Variants in IL12RB2 observed in about 807,000 individuals in gnomAD.
The protein encoded by IL12RB2 is interleukin 12 receptor subunit beta 2, also known as interleukin-12 receptor subunit beta-2.
IL12RB2 carries 82 observed loss-of-function variants against 89.4 expected under a neutral mutation model. The observed-to-expected ratio is 0.92, with a 90% CI of 0.77 to 1.10. IL12RB2 has a LOEUF of 1.10. Among genes scored for constraint, IL12RB2 ranks in the 50% least tolerant of loss-of-function variants. IL12RB2 has a pLI of 0.00. For synonymous variants in IL12RB2, 368 were observed against 370.1 expected, an observed-to-expected ratio of 0.99 and a Z score of 0.07; for missense variants, 963 against 1,031.9, an observed-to-expected ratio of 0.93 and a Z score of 0.92.
chr1:67,386,208 C>CAAAA (rs755471388), intron 14 of IL12RB2, among the ~76,000 whole-genome samples: 117 of 52,384 alleles, frequency 2.2e-3, no homozygotes, highest in Admixed American at 2.7e-3. Flanking sequence ...GACTCCATCT[C>CAAAA]AAAAAAAAAA....
intron 14 of IL12RB2, among the ~76,000 whole-genome samples, chr1:67,384,279 G>C (rs1268012748): frequency 6.6e-6 from 1 of 152,202 alleles, no homozygotes; most frequent in Admixed American, 6.5e-5. Flanking sequence ...ACACCCACAG[G>C]CCCAAAACCA....
chr1:67,381,375 AG>A (rs1167921732), intron 14 of IL12RB2, among the ~76,000 whole-genome samples: 1 of 152,174 alleles, frequency 6.6e-6, no homozygotes, highest in African/African-American at 2.4e-5. Context: ...TGAAGCATCA[AG>A]TTGATCATTC....
chr1:67,374,753 GGCGTGA>G (rs1170320332), intron 13 of IL12RB2, among the ~76,000 whole-genome samples: 4 of 143,512 alleles, frequency 2.8e-5, no homozygotes, highest in Non-Finnish European at 4.5e-5. Flanking sequence ...TGAGATTACA[GGCGTGA>G]GCCACCCAGC....
chr1:67,321,568 A>G, intron 3 of IL12RB2, 34 bp from the exon 4 acceptor site: 1 of 1,442,352 alleles, frequency 6.9e-7, no homozygotes, highest in Non-Finnish European at 9.8e-7. Context: ...GTTTATTATC[A>G]CCAACTAAAT....
intron 1 of IL12RB2, among the ~76,000 whole-genome samples, chr1:67,313,129 A>G (rs910992696): frequency 2.6e-5 from 4 of 152,256 alleles, no homozygotes; most frequent in Non-Finnish European, 5.9e-5. Context: ...TTTCATGACC[A>G]TAACTCAGGA....
At chr1:67,339,455 C>T (rs946195108) in intron 9 of IL12RB2, among the ~76,000 whole-genome samples, 1 of 145,730 alleles carries the variant, frequency 6.9e-6, no homozygotes, top group Non-Finnish European at 1.5e-5. Context: ...CCACTGCACT[C>T]GAGCTTGGGT....
intron 4 of IL12RB2, among the ~76,000 whole-genome samples, chr1:67,325,615 T>C (rs1395587469): frequency 6.6e-6 from 1 of 152,226 alleles, no homozygotes; most frequent in Non-Finnish European, 1.5e-5. Context: ...CTATATGAGC[T>C]AGATATCATT....
At chr1:67,311,643 TG>T (rs2100507833) in intron 1 of IL12RB2, among the ~76,000 whole-genome samples, 1 of 152,338 alleles carries the variant, frequency 6.6e-6, no homozygotes, top group African/African-American at 2.4e-5. Context: ...TGCAATGATA[TG>T]CAGGAAAAGC....
Position 67,316,906 on chromosome 1 carries a change from G to GT in IL12RB2, c.-37+2912dup, listed in dbSNP as rs1569711493. The stretch of plus-strand genomic sequence containing the variant: ...TCACCAGTTTGTTGCTTATATTTTT[G>GT]TTTTTTGCCTGTCTACTCCAGGATG... On this transcript the variant is annotated intron_variant, in intron 2 of 16. Coordinates refer to ENST00000674203, the MANE Select transcript of IL12RB2 (RefSeq NM_001374259.2). Among the ~76,000 whole-genome samples, 11 of 152,138 alleles carry GT rather than the reference G, an allele frequency of 7.2e-5. No individual in the cohort carries two copies. In the South Asian group the frequency reaches 2.1e-3, roughly 29 times the overall value.
In IL12RB2 at chr1:67,395,991, G is replaced by A; in HGVS notation, c.2491G>A (p.Val831Ile). The change falls in exon 17 of 17, where the codon GTT becomes ATT. Residue 831 changes from valine to isoleucine, a missense_variant. Val to Ile is a conservative substitution (Grantham distance 29). Transcript: ENST00000674203. ...GGAGCCTCAGCACATCTCCCTTTCT[G>A]TTTTCCCCTCAAGTTCTCTTCACCC... is the stretch of plus-strand genomic sequence containing the variant. ...ELEPQHISLS[V>I]FPSSSLHPLT... 6.2e-7 allele frequency: 1 copy of A among 1,605,650 alleles called. No individual in the cohort carries two copies. Among genetic ancestry groups the A allele is most frequent in the Non-Finnish European group, 8.5e-7 (1 of 1,172,266 alleles).
chr1:67,354,391 G>T (rs899427869), intron 10 of IL12RB2, among the ~76,000 whole-genome samples: 1 of 152,196 alleles, frequency 6.6e-6, no homozygotes, highest in Non-Finnish European at 1.5e-5. Context: ...AGTCCCTGGG[G>T]AGATGGGAGA....
chr1:67,312,540 C>T (rs892896424), intron 1 of IL12RB2, among the ~76,000 whole-genome samples: 13 of 151,532 alleles, frequency 8.6e-5, no homozygotes, highest in South Asian at 6.2e-4. Flanking sequence ...GATTTGTTTA[C>T]GCACAACATT....
intron 14 of IL12RB2, 84 bp from the exon 15 acceptor site, chr1:67,386,495 C>A (rs900294220): frequency 4.8e-5 from 44 of 925,530 alleles, no homozygotes; most frequent in Middle Eastern, 2.1e-4. Flanking sequence ...GTGGGTAAGG[C>A]CCAGAGGGCG....
Position 67,320,418 on chromosome 1 carries a change from C to A in IL12RB2, c.50C>A (p.Thr17Lys), listed in dbSNP as rs200115195. Residue 17 changes from threonine (T) to lysine (K), a missense_variant, in exon 3 of 17, where the codon ACG becomes AAG. Physicochemically the swap from Thr to Lys is moderately conservative, Grantham distance 78. Coordinates refer to ENST00000674203, the MANE Select transcript of IL12RB2 (RefSeq NM_001374259.2). Reference sequence around the variant, plus strand: ...TCATTGGCATTTATGTTTATAATCACGTGGCTGTTGATTAAAGCAAAAATA... The same window carrying A: ...TCATTGGCATTTATGTTTATAATCAAGTGGCTGTTGATTAAAGCAAAAATA... ...GCSLAFMFII[T>K]WLLIKAKIDA... 1.2e-6 allele frequency: 2 copies of A among 1,613,892 alleles called. No individual in the cohort carries two copies. The highest frequency in any genetic ancestry group is 1.7e-4 in the Middle Eastern group (1 of 6,048).
At chr1:67,379,835 T>G in intron 13 of IL12RB2, 151 bp from the exon 14 acceptor site, 2 of 667,278 alleles carry the variant, frequency 3.0e-6, no homozygotes, top group South Asian at 3.5e-5. Context: ...TATTAAGGTA[T>G]TAAGTACTGA....
chr1:67,326,427 T>G (rs1329066237), intron 4 of IL12RB2, among the ~76,000 whole-genome samples: 1 of 150,546 alleles, frequency 6.6e-6, no homozygotes, highest in African/African-American at 2.5e-5. Context: ...CTCAGTTTCC[T>G]CTCTGAAAAA....
At chr1:67,322,270 A>C (rs1656648648) in intron 4 of IL12RB2, among the ~76,000 whole-genome samples, 1 of 152,124 alleles carries the variant, frequency 6.6e-6, no homozygotes, top group Non-Finnish European at 1.5e-5. Context: ...GGATGACTAC[A>C]CAGAGTTGAA....
At position 67,398,004 on chromosome 1, in the gene IL12RB2, G is replaced by A. The variant is rs1031603862; in HGVS notation, c.*1915G>A. ...ATGGACAGTTGCTCTGCTTCTTCAG[G>A]TTGGAACTCTTGATACATCCTTGTT... is the stretch of plus-strand genomic sequence containing the variant. On this transcript the variant is annotated 3_prime_UTR_variant, in exon 17 of 17. Transcript: ENST00000674203. Among the ~76,000 whole-genome samples the A allele has an allele frequency of 6.6e-6, 1 of 152,218 alleles. No individual in the cohort carries two copies. The highest frequency in any genetic ancestry group is 1.5e-5 in the Non-Finnish European group (1 of 68,034).
At chr1:67,391,154 GT>G (rs556386212) in intron 16 of IL12RB2, among the ~76,000 whole-genome samples, 1 of 152,226 alleles carries the variant, frequency 6.6e-6, no homozygotes, top group South Asian at 2.1e-4. Flanking sequence ...CTGAGCCCAA[GT>G]TTCAGCCTCA....
Sources: allele counts gnomAD v4.1 joint callset (sites outside exome capture counted in the v4.1 genomes callset), GRCh38; gene constraint gnomAD v4.1.1; transcripts MANE v1.5; gene names NCBI Gene and HGNC (gene_info 2026-07-23, HGNC 2026-07-21).